Variants in DOCK10 observed in about 807,000 individuals in gnomAD.
DOCK10 encodes dedicator of cytokinesis protein 10.
DOCK10 carries 145 observed loss-of-function variants against 280.1 expected under a neutral mutation model. The ratio of observed to expected loss-of-function variants is 0.52; its 90% CI spans 0.45 to 0.59. The LOEUF (loss-of-function observed/expected upper bound fraction) is 0.59. DOCK10 is among the 20% of genes least tolerant of loss of function. DOCK10 has a pLI of 0.00. For synonymous variants in DOCK10, 915 were observed against 942.2 expected, an observed-to-expected ratio of 0.97 and a Z score of 0.53; for missense variants, 2,368 against 2,651.7, an observed-to-expected ratio of 0.89 and a Z score of 2.35.
chr2:224,982,798 A>ATTTT (rs10627404), intron 1 of DOCK10, among the ~76,000 whole-genome samples: 2 of 150,444 alleles, frequency 1.3e-5, no homozygotes, highest in African/African-American at 4.9e-5. Flanking sequence ...AGTGAAAATG[A>ATTTT]TTTTTTTTTT....
chr2:225,041,497 AGGGAC>A (rs1233565573), intron 1 of DOCK10, among the ~76,000 whole-genome samples: 1 of 152,166 alleles, frequency 6.6e-6, no homozygotes, highest in East Asian at 1.9e-4. Flanking sequence ...CTGCTGCCCC[AGGGAC>A]TTCCCGCGGA....
chr2:224,804,885 T>C, intron 37 of DOCK10, 44 bp from the exon 38 acceptor site: 1 of 1,400,024 alleles, frequency 7.1e-7, no homozygotes, highest in Non-Finnish European at 9.6e-7. Context: ...TCATATTCTT[T>C]TATTATACAA....
intron 8 of DOCK10, among the ~76,000 whole-genome samples, chr2:224,875,578 A>G (rs1698575657): frequency 1.3e-5 from 2 of 152,202 alleles, no homozygotes; most frequent in Admixed American, 6.5e-5. Flanking sequence ...ATCACCATGT[A>G]TAATTTTTGA....
chr2:224,804,096 G>A lies in DOCK10; in HGVS notation c.4268+16C>T. The A allele has an allele frequency of 6.5e-7, 1 of 1,549,478 alleles. No homozygotes were observed. The highest frequency in any genetic ancestry group is 8.9e-7 in the Non-Finnish European group (1 of 1,123,842). ...AGCTATATATAATTTTAAATACCAA[G>A]CAAATGTGACATTACCATTGTGACA... On this transcript the variant is annotated intron_variant, in intron 39 of 55. Coordinates refer to ENST00000258390, the MANE Select transcript of DOCK10 (RefSeq NM_014689.3).
Position 224,837,870 on chromosome 2 carries a change from G to A in DOCK10, c.2781-39C>T, listed in dbSNP as rs576274054. 46 of 1,557,468 alleles carry A rather than the reference G, an allele frequency of 3.0e-5. No individual in the cohort carries two copies. In the South Asian group the frequency reaches 4.8e-4, roughly 16 times the overall value. ...GCTGTTCAGTGGCCTTTCTGGAGAG[G>A]GCAGAAAAACCCCGCTTTAGTTTGT... is the stretch of plus-strand genomic sequence containing the variant. On this transcript the variant is annotated intron_variant, in intron 24 of 55. Transcript: ENST00000258390.
At position 224,874,730 on chromosome 2, in the gene DOCK10, G is replaced by T. The variant is rs761069813; in HGVS notation, c.953C>A (p.Thr318Asn). The change falls in exon 9 of 56, where the codon ACT becomes AAT. Residue 318 changes from threonine to asparagine, a missense_variant. Around this residue, in one of 2 missense-constraint regions of DOCK10, gnomAD observed 1,209 missense variants for 1,250.9 expected, o/e 0.97. Transcript: ENST00000258390. ...TGTTTCCTCTGGCGTGCATTCACAAGTTACAGAATTATCCAGCGAATCTTA... is the reference window on the plus strand; with the variant it reads ...TGTTTCCTCTGGCGTGCATTCACAATTTACAGAATTATCCAGCGAATCTTA... The part of the protein sequence containing the change: ...LGLDSLDNSV[T>N]CECTPEETDS... The T allele has an allele frequency of 3.0e-5, 48 of 1,613,706 alleles. No individual in the cohort carries two copies. The highest frequency in any genetic ancestry group is 1.4e-5 in the Non-Finnish European group (17 of 1,179,780).
intron 1 of DOCK10, among the ~76,000 whole-genome samples, chr2:224,976,223 A>G (rs201914950): frequency 6.7e-6 from 1 of 148,208 alleles, no homozygotes; most frequent in African/African-American, 2.5e-5. Context: ...ATCACACACC[A>G]GGGCCTGTTG....
At chr2:225,004,929 T>C (rs938592618) in intron 1 of DOCK10, among the ~76,000 whole-genome samples, 2 of 152,246 alleles carry the variant, frequency 1.3e-5, no homozygotes, top group Non-Finnish European at 2.9e-5. Context: ...TCTCTAATCA[T>C]AAGTATGATT....
intron 26 of DOCK10, among the ~76,000 whole-genome samples, chr2:224,833,818 GT>G (rs1233654936): frequency 5.3e-5 from 8 of 151,656 alleles, no homozygotes; most frequent in African/African-American, 1.2e-4. Context: ...GGCTAATTTT[GT>G]TTTTGTATTT....
chr2:224,891,001 T>C (rs1699623610), intron 4 of DOCK10, among the ~76,000 whole-genome samples: 1 of 152,232 alleles, frequency 6.6e-6, no homozygotes, highest in African/African-American at 2.4e-5. Context: ...AGAGGCAGTG[T>C]GTCAATGTTT....
intron 27 of DOCK10, among the ~76,000 whole-genome samples, chr2:224,824,113 T>C (rs1694689027): frequency 6.6e-6 from 1 of 152,216 alleles, no homozygotes; most frequent in Non-Finnish European, 1.5e-5. Context: ...ATGCCCCCAA[T>C]AAACTAGTCT....
intron 27 of DOCK10, among the ~76,000 whole-genome samples, chr2:224,825,025 G>T (rs2125350059): frequency 6.8e-6 from 1 of 148,020 alleles, no homozygotes; most frequent in African/African-American, 2.5e-5. Flanking sequence ...TGTTGTCCAG[G>T]CTGGAGTGCA....
chr2:225,034,892 C>G (rs1045623610), intron 1 of DOCK10, among the ~76,000 whole-genome samples: 1 of 152,160 alleles, frequency 6.6e-6, no homozygotes, highest in Non-Finnish European at 1.5e-5. Flanking sequence ...TCACCTCACC[C>G]TGAAACACAT....
intron 1 of DOCK10, among the ~76,000 whole-genome samples, chr2:224,945,283 G>A (rs1475378936): frequency 1.3e-5 from 2 of 152,176 alleles, no homozygotes; most frequent in African/African-American, 4.8e-5. Flanking sequence ...AGGCTGACAA[G>A]GCTCTTTTGG....
rs1345346934 is a variant in DOCK10 at position 224,886,538 on chromosome 2, T to C, written c.417-7A>G. 1.9e-6 allele frequency: 3 copies of C among 1,563,034 alleles called. No individual in the cohort carries two copies. The highest frequency in any genetic ancestry group is 2.6e-6 in the Non-Finnish European group (3 of 1,166,984). On this transcript the variant is annotated splice_region_variant and splice_polypyrimidine_tract_variant and intron_variant, in intron 4 of 55. Transcript: ENST00000258390. ...CTCTGGTTTGTATTCTGCTCTGATA[T>C]TAAAAAAAAAAAAAGATTCTGATTT...
chr2:225,027,936 T>C (rs1211970663), intron 1 of DOCK10, among the ~76,000 whole-genome samples: 1 of 152,224 alleles, frequency 6.6e-6, no homozygotes, highest in East Asian at 1.9e-4. Flanking sequence ...GAACTGTCTC[T>C]GGTATTCTAT....
chr2:224,916,700 T>C lies in DOCK10; in HGVS notation c.328A>G (p.Lys110Glu). Reference sequence around the variant, plus strand: ...ATTGGAAGCATCACATTTACCTCCTTAACCAGTAAATTTTCTGCCTTGTGC... The same window carrying C: ...ATTGGAAGCATCACATTTACCTCCTCAACCAGTAAATTTTCTGCCTTGTGC... ...AEHKAENLLV[K>E]EACKFYSSQW... The change falls in exon 3 of 56, where the codon AAG becomes GAG. Residue 110 changes from lysine to glutamate, a missense_variant. Coordinates refer to ENST00000258390, the MANE Select transcript of DOCK10 (RefSeq NM_014689.3). 1 of 1,606,890 alleles carries C rather than the reference T, an allele frequency of 6.2e-7. No individual in the cohort carries two copies. Among genetic ancestry groups the C allele is most frequent in the Non-Finnish European group, 8.5e-7 (1 of 1,175,884 alleles).
intron 1 of DOCK10, among the ~76,000 whole-genome samples, chr2:225,031,222 C>T (rs1464658589): frequency 6.6e-6 from 1 of 152,148 alleles, no homozygotes; most frequent in East Asian, 1.9e-4. Flanking sequence ...AGACTGGCTG[C>T]CAGGGAAGTG....
Position 224,775,081 on chromosome 2 carries a change from T to C in DOCK10, c.5837A>G (p.Tyr1946Cys), listed in dbSNP as rs1690740498. Residue 1946 changes from tyrosine to cysteine, a missense_variant, in exon 52 of 56, where the codon TAC (tyrosine) becomes TGC (cysteine). Physicochemically the swap from Tyr to Cys is radical, Grantham distance 194. Coordinates refer to ENST00000258390, the MANE Select transcript of DOCK10 (RefSeq NM_014689.3). ...CGGCGTCACATAGGTCACCTGGATG[T>C]AGGCATATTTGGGGTCCAAATCCTT... ...NPKDLDPKYA[Y>C]IQVTYVTPFF... 1 of 1,613,938 alleles carries C rather than the reference T, an allele frequency of 6.2e-7. No individual in the cohort carries two copies. Among genetic ancestry groups the C allele is most frequent in the East Asian group, 2.2e-5 (1 of 44,894 alleles).
Sources: gnomAD v4.1 joint callset for allele counts (sites outside exome capture counted in the v4.1 genomes callset) on GRCh38, gnomAD v4.1.1 for gene constraint, gnomAD v4.1.1 regional missense constraint, MANE v1.5 for transcripts, NCBI Gene and HGNC (gene_info 2026-07-23, HGNC 2026-07-21) for gene names.